GGCX: variants seen among roughly 807,000 people sequenced by gnomAD.
GGCX encodes the protein gamma-glutamyl carboxylase.
In GGCX, 63 loss-of-function variants were observed where a neutral mutation model predicts 88.5. The observed-to-expected ratio is 0.71, with a 90% CI of 0.58 to 0.88. The LOEUF is 0.88. Ranked by LOEUF, GGCX falls within the 40% of genes least tolerant of loss-of-function variation. The probability of loss-of-function intolerance (pLI) is 0.00; values close to 1 mark genes in which losing one functional copy is unlikely to be tolerated. For missense variants in GGCX, 805 were observed against 932.9 expected, an observed-to-expected ratio of 0.86 and a Z score of 1.79; for synonymous variants, 368 against 365.8, an observed-to-expected ratio of 1.01 and a Z score of -0.07.
Position 85,548,953 on chromosome 2 carries a change from A to C in GGCX, c.*981T>G, listed in dbSNP as rs1338268444. On this transcript the variant is annotated 3_prime_UTR_variant, in exon 15 of 15. Transcript: ENST00000233838. Reference sequence around the variant, plus strand: ...TTCCTTATTTAACTTTGATGCTGCTATTCTGACTGCTCTCATAACTGCTAG... The same window carrying C: ...TTCCTTATTTAACTTTGATGCTGCTCTTCTGACTGCTCTCATAACTGCTAG... 1 of 152,218 alleles carries C rather than the reference A, an allele frequency of 6.6e-6. No homozygotes were observed. Among genetic ancestry groups the C allele is most frequent in the Non-Finnish European group, 1.5e-5 (1 of 68,042 alleles). 9.4% of individuals were successfully genotyped at this position (152,218 alleles called of 1,614,324 possible).
rs999212627 is a variant in GGCX, at chr2:85,558,462, A to G, written c.517T>C (p.Phe173Leu). Residue 173 changes from phenylalanine to leucine, a missense_variant, in exon 4 of 15, where the codon TTC (phenylalanine) becomes CTC (leucine). Phe to Leu is a conservative substitution (Grantham distance 22). Coordinates refer to ENST00000233838, the MANE Select transcript of GGCX (RefSeq NM_000821.7). ...LYGLLAFQLTFMDANHYWSVD... is the reference protein window; with the variant it reads ...LYGLLAFQLTLMDANHYWSVD... ...TACCAGTAGTGGTTTGCATCCATGA[A>G]TGTTAGCTGAAAGGCCAACAACCCA... is the stretch of plus-strand genomic sequence containing the variant. 6.2e-7 allele frequency: 1 copy of G among 1,614,010 alleles called. No homozygotes were observed. Among genetic ancestry groups the G allele is most frequent in the Non-Finnish European group, 8.5e-7 (1 of 1,179,902 alleles).
chr2:85,555,550 T>C lies in GGCX; in HGVS notation c.659A>G (p.Asp220Gly). The change falls in exon 6 of 15, where the codon GAT (aspartate) becomes GGT (glycine). Residue 220 changes from aspartate to glycine, a missense_variant. Asp to Gly is a moderately conservative substitution (Grantham distance 94, BLOSUM62 -1). This residue lies in a region of GGCX where 680 missense variants were observed against 763.7 expected (regional missense o/e 0.89). Transcript: ENST00000233838. ...GGAATAGCCTTCAACCCAGTCTGCA[T>C]CCAGCTTTTTCACACCCGCAATGAA... ...VYFIAGVKKL[D>G]ADWVEGYSME... The C allele has an allele frequency of 6.2e-7, 1 of 1,606,426 alleles. No individual in the cohort carries two copies. Among genetic ancestry groups the C allele is most frequent in the Non-Finnish European group, 8.5e-7 (1 of 1,173,030 alleles).
At chr2:85,550,250 C>G (rs932027606) in intron 14 of GGCX, 124 bp from the exon 15 acceptor site, 5 of 743,402 alleles carry the variant, frequency 6.7e-6, no homozygotes, top group Non-Finnish European at 1.2e-5. Context: ...GAATCTCCCC[C>G]CAAGTGACCC....
chr2:85,557,403 C>A (rs1273457045), intron 4 of GGCX, among the ~76,000 whole-genome samples: 1 of 152,048 alleles, frequency 6.6e-6, no homozygotes, highest in African/African-American at 2.4e-5. Flanking sequence ...GGAAGGATCA[C>A]CTAAACACAA....
Position 85,549,388 on chromosome 2 carries a change from C to T in GGCX, c.*546G>A, listed in dbSNP as rs537175451. On this transcript the variant is annotated 3_prime_UTR_variant, in exon 15 of 15. Transcript: ENST00000233838. ...GCCACTTTATTTATTTATTTTGAGA[C>T]GAAGTCTTGCTCTGTTGCCCAGGAG... 2.4e-4 allele frequency: 36 copies of T among 149,610 alleles called. No individual in the cohort carries two copies. The highest frequency in any genetic ancestry group is 6.7e-4 in the African/African-American group (25 of 37,260). The allele number at this position is 149,610 out of a possible 1,614,324, so 9.3% of individuals were successfully genotyped here. A position where few individuals can be genotyped will look rare whatever the true frequency, so the allele number is the denominator to read the frequency against.
chr2:85,549,599 G>C lies in GGCX; in HGVS notation c.*335C>G. On this transcript the variant is annotated 3_prime_UTR_variant, in exon 15 of 15. Coordinates refer to ENST00000233838, the MANE Select transcript of GGCX (RefSeq NM_000821.7). Reference sequence around the variant, plus strand: ...TGGTCTCGAACTCCTGGCCTCAAGTGATCTGCCCACCTCAGCCTCCCAAAA... The same window carrying C: ...TGGTCTCGAACTCCTGGCCTCAAGTCATCTGCCCACCTCAGCCTCCCAAAA... 1 of 326,492 alleles carries C rather than the reference G, an allele frequency of 3.1e-6. No homozygotes were observed. Among genetic ancestry groups the C allele is most frequent in the Non-Finnish European group, 5.9e-6 (1 of 169,622 alleles). The allele number at this position is 326,492 out of a possible 1,614,324, so 20.2% of individuals were successfully genotyped here.
At position 85,552,464 on chromosome 2, in the gene GGCX, T is replaced by C; in HGVS notation, c.1391A>G (p.Gln464Arg). 6.2e-7 allele frequency: 1 copy of C among 1,613,966 alleles called. No homozygotes were observed. The highest frequency in any genetic ancestry group is 8.5e-7 in the Non-Finnish European group (1 of 1,179,806). The change falls in exon 10 of 15, where the codon CAG (glutamine) becomes CGG (arginine). Residue 464 changes from glutamine (Q) to arginine (R), a missense_variant. Around this residue, in one of 3 missense-constraint regions of GGCX, gnomAD observed 680 missense variants for 763.7 expected, o/e 0.89. Transcript: ENST00000233838. ...LLPKYNVTEP[Q>R]IYFDIWVSIN... ...GGAGACCCAAATATCAAAGTAGATCTGGGGCTCAGTGACATTATACTTGGG... is the reference window on the plus strand; with the variant it reads ...GGAGACCCAAATATCAAAGTAGATCCGGGGCTCAGTGACATTATACTTGGG...
chr2:85,559,459 T>C (rs1314345777), intron 2 of GGCX, among the ~76,000 whole-genome samples: 1 of 151,580 alleles, frequency 6.6e-6, no homozygotes, highest in Non-Finnish European at 1.5e-5. Context: ...ACGCCTGTAA[T>C]CCCAGCACTT....
chr2:85,561,314 C>T (rs1692449676), intron 1 of GGCX, 72 bp downstream of exon 1: 1 of 915,424 alleles, frequency 1.1e-6, no homozygotes, highest in South Asian at 1.5e-5. Flanking sequence ...CACTGGGCGT[C>T]CTCCCGCCCC....
At chr2:85,555,669 T>C (rs989223425) in intron 5 of GGCX, 79 bp from the exon 6 acceptor site, 2 of 819,940 alleles carry the variant, frequency 2.4e-6, no homozygotes, top group African/African-American at 3.3e-5. Flanking sequence ...AAGGAGCATA[T>C]AGTTAGGACA....
intron 13 of GGCX, 87 bp downstream of exon 13, chr2:85,550,838 G>A (rs1691913852): frequency 6.3e-7 from 1 of 1,584,726 alleles, no homozygotes; most frequent in Admixed American, 1.7e-5. Flanking sequence ...GAGACTTCAA[G>A]TTCATTCTTG....
At position 85,545,309 on chromosome 2, in the gene GGCX, C is replaced by T. The variant is rs916911117; in HGVS notation, c.*4625G>A. The T allele has an allele frequency of 6.6e-6, 1 of 152,580 alleles. No individual in the cohort carries two copies. The highest frequency in any genetic ancestry group is 1.5e-5 in the Non-Finnish European group (1 of 68,044). The allele number at this position is 152,580 out of a possible 1,614,324, so 9.5% of individuals were successfully genotyped here. A position where few individuals can be genotyped will look rare whatever the true frequency, so the allele number is the denominator to read the frequency against. On this transcript the variant is annotated 3_prime_UTR_variant, in exon 15 of 15. Transcript: ENST00000233838. ...TGTCTGTTACTCATTTGTTAAAGTG[C>T]TTTGGGGCCATAGGTACGTGCCTAT...
chr2:85,552,984 G>C lies in GGCX; in HGVS notation c.1242C>G (p.Thr414=). 6.2e-7 allele frequency: 1 copy of C among 1,613,990 alleles called. No homozygotes were observed. Among genetic ancestry groups the C allele is most frequent in the South Asian group, 1.1e-5 (1 of 91,078 alleles). ...GTTCGCCAGTGCGGCCATCACGGTA[G>C]GTGATCTTCACGTGCTGGTGGGAGC... is the stretch of plus-strand genomic sequence containing the variant. ...HSRSHQHVKI[T]YRDGRTGELG... is the part of the protein sequence containing the mutation. The change falls in exon 9 of 15, where the codon ACC becomes ACG. Residue 414 remains threonine (T), a synonymous_variant. Transcript: ENST00000233838.
At position 85,554,257 on chromosome 2, in the gene GGCX, C is replaced by G; in HGVS notation, c.775G>C (p.Gly259Arg). 6.2e-7 allele frequency: 1 copy of G among 1,613,890 alleles called. No individual in the cohort carries two copies. Among genetic ancestry groups the G allele is most frequent in the Non-Finnish European group, 8.5e-7 (1 of 1,179,770 alleles). ...CCAGCTGAGAGGTCAAGCAGCAGCC[C>G]ACCCCAGTGCACGACCAGCAGGCTA... Reference protein sequence around the residue: ...LTSLLVVHWGGLLLDLSAGFL... With the variant: ...LTSLLVVHWGRLLLDLSAGFL... Residue 259 changes from glycine (G) to arginine (R), a missense_variant, in exon 7 of 15, where the codon GGG becomes CGG. Gly to Arg is a moderately radical substitution (Grantham distance 125). Around this residue, in one of 3 missense-constraint regions of GGCX, gnomAD observed 680 missense variants for 763.7 expected, o/e 0.89. Coordinates refer to ENST00000233838, the MANE Select transcript of GGCX (RefSeq NM_000821.7).
chr2:85,552,866 G>C, intron 9 of GGCX, 73 bp downstream of exon 9: 1 of 1,535,414 alleles, frequency 6.5e-7, no homozygotes, highest in Admixed American at 1.7e-5. Context: ...TATGGTGTGT[G>C]TAAGACAAAA....
Position 85,552,943 on chromosome 2 carries a change from G to A in GGCX, c.1283C>T (p.Pro428Leu), listed in dbSNP as rs779492193. 11 of 1,614,186 alleles carry A rather than the reference G, an allele frequency of 6.8e-6. No homozygotes were observed. Among genetic ancestry groups the A allele is most frequent in the Non-Finnish European group, 9.3e-6 (11 of 1,179,992 alleles). The change falls in exon 9 of 15, where the codon CCT becomes CTT. Residue 428 changes from proline to leucine, a missense_variant. Physicochemically the swap from Pro to Leu is moderately conservative, Grantham distance 98. Coordinates refer to ENST00000233838, the MANE Select transcript of GGCX (RefSeq NM_000821.7). Reference protein sequence around the residue: ...GRTGELGYLNPGVFTQSRRWK... With the variant: ...GRTGELGYLNLGVFTQSRRWK... ...TGTCAGCATCAGACATCTCACCCCA[G>A]GGTTAAGGTAGCCCAGTTCGCCAGT...
In GGCX at chr2:85,556,264, C is replaced by T. The variant is rs144363681; in HGVS notation, c.540-4G>A. On this transcript the variant is annotated splice_polypyrimidine_tract_variant and splice_region_variant and intron_variant, in intron 4 of 14. Transcript: ENST00000233838. ...ATTCAGCAGACCGTCCACAGACCTA[C>T]ACCGAGGGAGGTAAACATTGAGGGG... is the stretch of plus-strand genomic sequence containing the variant. 208 of 1,598,914 alleles carry T rather than the reference C, an allele frequency of 1.3e-4. 1 individual carries two copies. In the East Asian group the frequency reaches 3.2e-3, roughly 25 times the overall value.
At chr2:85,550,230 G>A in intron 14 of GGCX, 104 bp from the exon 15 acceptor site, 2 of 809,672 alleles carry the variant, frequency 2.5e-6, no homozygotes, top group East Asian at 2.6e-5. Flanking sequence ...TCCCACACAG[G>A]CATATATGGG....
intron 4 of GGCX, 107 bp downstream of exon 4, chr2:85,558,333 A>G (rs1359129081): frequency 1.8e-5 from 17 of 963,922 alleles, no homozygotes; most frequent in Non-Finnish European, 2.5e-5. Context: ...CCTTGTAACC[A>G]TACTTTGCAA....
Sources: allele counts gnomAD v4.1 joint callset (sites outside exome capture counted in the v4.1 genomes callset), GRCh38; gene constraint gnomAD v4.1.1; regional missense constraint gnomAD v4.1.1; transcripts MANE v1.5; gene names NCBI Gene and HGNC (gene_info 2026-07-23, HGNC 2026-07-21).